Variants in PROM1 observed in about 807,000 individuals in gnomAD.
PROM1 encodes prominin 1, also known as prominin-1.
PROM1 carries 105 observed loss-of-function variants against 116.9 expected under a neutral mutation model. The observed-to-expected ratio is 0.90, with a 90% CI of 0.77 to 1.06. PROM1 has a LOEUF of 1.06. PROM1 is among the 50% of genes least tolerant of loss of function. The probability of loss-of-function intolerance (pLI) is 0.00; values close to 1 mark genes in which losing one functional copy is unlikely to be tolerated. For synonymous variants in PROM1, 393 were observed against 387.0 expected, an observed-to-expected ratio of 1.02 and a Z score of -0.18; for missense variants, 1,122 against 1,045.2, an observed-to-expected ratio of 1.07 and a Z score of -1.01.
At chr4:16,046,282 C>T (rs1019130009) in intron 2 of PROM1, among the ~76,000 whole-genome samples, 3 of 152,156 alleles carry the variant, frequency 2.0e-5, no homozygotes, top group African/African-American at 7.2e-5. Flanking sequence ...CTCCAGGGTT[C>T]CCATATGGAA....
intron 2 of PROM1, among the ~76,000 whole-genome samples, chr4:16,069,089 G>C (rs1742215444): frequency 1.3e-5 from 2 of 152,260 alleles, no homozygotes; most frequent in Admixed American, 1.3e-4. Flanking sequence ...ACAAAAATTA[G>C]CTAAGTATGG....
chr4:15,988,186 A>G (rs543054188), intron 19 of PROM1, among the ~76,000 whole-genome samples: 16 of 152,296 alleles, frequency 1.1e-4, no homozygotes, highest in South Asian at 8.3e-4. Context: ...AACAATGTGT[A>G]CTTTCTATGC....
In PROM1 at chr4:15,979,379, C is replaced by T. The variant is rs1486273450; in HGVS notation, c.2582+16G>A. ...TTTATCATAGGGCGGGCATGCACTT[C>T]CAGACTTTGCTTTACCTTGTCATAA... On this transcript the variant is annotated intron_variant, in intron 26 of 27. Coordinates refer to ENST00000447510, the MANE Select transcript of PROM1 (RefSeq NM_006017.3). The T allele has an allele frequency of 1.2e-6, 2 of 1,613,556 alleles. No individual in the cohort carries two copies. The highest frequency in any genetic ancestry group is 1.7e-5 in the Admixed American group (1 of 59,968).
intron 18 of PROM1, among the ~76,000 whole-genome samples, chr4:15,990,762 G>A (rs2149110076): frequency 1.3e-5 from 2 of 152,314 alleles, no homozygotes; most frequent in South Asian, 4.1e-4. Context: ...GCCCGCCAGC[G>A]CCATGACAGC....
chr4:16,017,773 G>A (rs1444238186), intron 9 of PROM1, among the ~76,000 whole-genome samples: 2 of 152,148 alleles, frequency 1.3e-5, no homozygotes, highest in Non-Finnish European at 2.9e-5. Flanking sequence ...AGTCAGCTGA[G>A]ATCGTGCCAC....
intron 5 of PROM1, among the ~76,000 whole-genome samples, chr4:16,029,351 C>T (rs1732112934): frequency 7.8e-6 from 1 of 127,984 alleles, no homozygotes; most frequent in Non-Finnish European, 1.7e-5. Context: ...CAAAGGAAGT[C>T]AAGTCATGGT....
At chr4:16,064,863 A>G (rs913529355) in intron 2 of PROM1, among the ~76,000 whole-genome samples, 4 of 152,188 alleles carry the variant, frequency 2.6e-5, no homozygotes, top group African/African-American at 9.6e-5. Context: ...ATTGCACTCC[A>G]GCCTGGGTGA....
At chr4:16,023,192 G>A (rs1560509376) in intron 8 of PROM1, 134 bp downstream of exon 8, 5 of 740,112 alleles carry the variant, frequency 6.8e-6, no homozygotes, top group Non-Finnish European at 1.2e-5. Context: ...GTCTTGACCT[G>A]AACTGTCTGC....
intron 15 of PROM1, among the ~76,000 whole-genome samples, chr4:15,995,287 G>A (rs1170362197): frequency 6.6e-6 from 1 of 151,684 alleles, no homozygotes; most frequent in East Asian, 1.9e-4. Flanking sequence ...GGAACAAGGA[G>A]ACCAGTTGGA....
rs953508617 is a variant in PROM1, at chr4:16,038,977, T to C, written c.245A>G (p.Lys82Arg). Residue 82 changes from lysine to arginine, a missense_variant, in exon 3 of 28, where the codon AAG (lysine) becomes AGG (arginine). Lys to Arg is a conservative substitution (Grantham distance 26). Coordinates refer to ENST00000447510, the MANE Select transcript of PROM1 (RefSeq NM_006017.3). ...ATAATCAATTTTGGATTCATATGCC[T>C]TCTGTAAGAATTTTCTCAAAGTATC... ...PEDTLRKFLQKAYESKIDYDK... is the reference protein window; with the variant it reads ...PEDTLRKFLQRAYESKIDYDK... 2 of 1,502,718 alleles carry C rather than the reference T, an allele frequency of 1.3e-6. No individual in the cohort carries two copies. Among genetic ancestry groups the C allele is most frequent in the African/African-American group, 2.8e-5 (2 of 70,566 alleles). 93.1% of individuals were successfully genotyped at this position (1,502,718 alleles called of 1,614,324 possible). A position where few individuals can be genotyped will look rare whatever the true frequency, so the allele number is the denominator to read the frequency against.
chr4:15,980,999 TC>T (rs1316825350), intron 23 of PROM1, among the ~76,000 whole-genome samples: 1 of 138,972 alleles, frequency 7.2e-6, no homozygotes, highest in Non-Finnish European at 1.6e-5. Flanking sequence ...TCTCACTCTG[TC>T]GCCCAGGCTA....
rs372585686 is a variant in PROM1, at chr4:15,987,713, T to C, written c.2080A>G (p.Thr694Ala). Residue 694 changes from threonine to alanine, a missense_variant, in exon 20 of 28, where the codon ACT (threonine) becomes GCT (alanine). Physicochemically the swap from Thr to Ala is moderately conservative, Grantham distance 58 (BLOSUM62 0). Transcript: ENST00000447510. The part of the protein sequence containing the change: ...RVLPIEQSLS[T>A]LYQSVKILQR... ...AGTATCTTGACGCTTTGGTATAGAG[T>C]GCTCTGGCAAGAAACAGATAATATT... is the stretch of plus-strand genomic sequence containing the variant. The C allele has an allele frequency of 3.9e-5, 63 of 1,609,976 alleles. No homozygotes were observed. The highest frequency in any genetic ancestry group is 5.3e-5 in the Non-Finnish European group (62 of 1,178,630).
In PROM1 at chr4:16,076,076, G is replaced by C; in HGVS notation, c.-170C>G. On this transcript the variant is annotated 5_prime_UTR_variant, in exon 2 of 28. Coordinates refer to ENST00000447510, the MANE Select transcript of PROM1 (RefSeq NM_006017.3). Reference sequence around the variant, plus strand: ...AGGCTGGCTTGAGGCGAGGGATGCGGAAGAATGTTCTCCAAGGGGGTCATT... The same window carrying C: ...AGGCTGGCTTGAGGCGAGGGATGCGCAAGAATGTTCTCCAAGGGGGTCATT... 7.4e-7 allele frequency: 1 copy of C among 1,351,846 alleles called. No homozygotes were observed. Among genetic ancestry groups the C allele is most frequent in the East Asian group, 2.5e-5 (1 of 39,508 alleles). The allele number at this position is 1,351,846 out of a possible 1,614,324, so 83.7% of individuals were successfully genotyped here.
chr4:16,063,274 G>C (rs1740766841), intron 2 of PROM1, among the ~76,000 whole-genome samples: 1 of 152,136 alleles, frequency 6.6e-6, no homozygotes, highest in African/African-American at 2.4e-5. Flanking sequence ...GAGGGAAAAA[G>C]ACATAAAGGT....
intron 3 of PROM1, among the ~76,000 whole-genome samples, chr4:16,036,583 G>A (rs1733993017): frequency 6.6e-6 from 1 of 152,206 alleles, no homozygotes; most frequent in Non-Finnish European, 1.5e-5. Flanking sequence ...ACACAAAGAA[G>A]CACCTCACAG....
chr4:15,994,160 T>C, intron 15 of PROM1, 89 bp from the exon 16 acceptor site: 1 of 1,577,544 alleles, frequency 6.3e-7, no homozygotes, highest in South Asian at 1.2e-5. Flanking sequence ...AGGCTCACTG[T>C]TTCTCCTTGT....
At position 16,006,733 on chromosome 4, in the gene PROM1, C is replaced by T. The variant is rs377147215; in HGVS notation, c.1302-43G>A. 152 of 1,591,896 alleles carry T rather than the reference C, an allele frequency of 9.5e-5. No individual in the cohort carries two copies. The African/African-American group carries it at 1.1e-3, about 12-fold the overall frequency. ...GTGTTAGTATACATGACACAGGTGA[C>T]GCCACCCTAACACAAAAGCTGCTGG... On this transcript the variant is annotated intron_variant, in intron 12 of 27. Transcript: ENST00000447510.
chr4:16,078,272 C>A (rs548329089), intron 1 of PROM1: 3 of 152,402 alleles, frequency 2.0e-5, no homozygotes, highest in Admixed American at 1.3e-4. Flanking sequence ...TAAGTGCCTG[C>A]TGAGCAGCTT....
intron 10 of PROM1, among the ~76,000 whole-genome samples, chr4:16,014,797 A>G (rs1727872955): frequency 1.3e-5 from 2 of 152,218 alleles, no homozygotes; most frequent in South Asian, 4.1e-4. Context: ...TAATCTAAAA[A>G]GAAATATTTA....
Sources: allele counts gnomAD v4.1 joint callset (sites outside exome capture counted in the v4.1 genomes callset), GRCh38; gene constraint gnomAD v4.1.1; transcripts MANE v1.5; gene names NCBI Gene and HGNC (gene_info 2026-07-23, HGNC 2026-07-21).